OTUD4: variants seen among roughly 807,000 people sequenced by gnomAD.
OTUD4 encodes OTU domain-containing protein 4.
Under a neutral mutation model 130.4 loss-of-function variants are expected in OTUD4, and 24 were observed. That is an observed-to-expected ratio of 0.18 (90% CI 0.13 to 0.26). The LOEUF (loss-of-function observed/expected upper bound fraction) is 0.26. Among genes scored for constraint, OTUD4 ranks in the 10% least tolerant of loss-of-function variants. OTUD4 has a pLI of 1.00. For missense variants in OTUD4, 1,031 were observed against 1,329.4 expected, an observed-to-expected ratio of 0.78 and a Z score of 3.49; for synonymous variants, 420 against 472.5, an observed-to-expected ratio of 0.89 and a Z score of 1.44.
At chr4:145,176,807 G>T (rs1365042258) in intron 1 of OTUD4, among the ~76,000 whole-genome samples, 1 of 152,184 alleles carries the variant, frequency 6.6e-6, no homozygotes, top group African/African-American at 2.4e-5. Flanking sequence ...AGCTCTCTTG[G>T]ATCACAACCA....
intron 13 of OTUD4, among the ~76,000 whole-genome samples, chr4:145,150,256 G>A (rs932325654): frequency 1.3e-5 from 2 of 152,090 alleles, no homozygotes; most frequent in African/African-American, 4.8e-5. Flanking sequence ...ATAGAATTGG[G>A]CTAGAATAAG....
rs553790161 is a variant in OTUD4, at chr4:145,142,106, T to G, written c.1822+90A>C. The G allele has an allele frequency of 2.6e-6, 3 of 1,136,214 alleles. No homozygotes were observed. In the South Asian group the frequency reaches 4.3e-5, roughly 16 times the overall value. The allele number at this position is 1,136,214 out of a possible 1,614,324, so 70.4% of individuals were successfully genotyped here. A position where few individuals can be genotyped will look rare whatever the true frequency, so the allele number is the denominator to read the frequency against. ...CTGTGAGGCTCCACACACCTAATCC[T>G]GCTCAGAGGTCAAACTTCCACTCAA... On this transcript the variant is annotated intron_variant, in intron 18 of 20. Transcript: ENST00000447906.
intron 6 of OTUD4, among the ~76,000 whole-genome samples, chr4:145,161,374 C>T (rs573513946): frequency 7.1e-4 from 108 of 152,242 alleles, no homozygotes; most frequent in Non-Finnish European, 1.3e-3. Context: ...GGCTACACTT[C>T]GATATCTTAC....
chr4:145,179,422 T>C (rs1393845238), intron 1 of OTUD4, among the ~76,000 whole-genome samples: 1 of 152,104 alleles, frequency 6.6e-6, no homozygotes, highest in Non-Finnish European at 1.5e-5. Flanking sequence ...AGTAAACACT[T>C]GGTTTACTGG....
At chr4:145,174,005 A>ATT (rs2126808866) in intron 2 of OTUD4, among the ~76,000 whole-genome samples, 1 of 142,248 alleles carries the variant, frequency 7.0e-6, no homozygotes, top group African/African-American at 2.8e-5. Flanking sequence ...TGCAAGTCTG[A>ATT]ATTTTTTTTT....
At chr4:145,140,026 T>A (rs1026475524) in intron 19 of OTUD4, 35 bp from the exon 20 acceptor site, 3 of 647,806 alleles carry the variant, frequency 4.6e-6, no homozygotes, top group Admixed American at 3.2e-5. Context: ...TAAAATTATA[T>A]ATCTGCAGAG....
chr4:145,143,951 A>C lies in OTUD4; in HGVS notation c.1597T>G (p.Leu533Val). 6.2e-7 allele frequency: 1 copy of C among 1,611,174 alleles called. No individual in the cohort carries two copies. The change falls in exon 16 of 21, where the codon TTG becomes GTG. Residue 533 changes from leucine to valine, a missense_variant. Around this residue, in one of 3 missense-constraint regions of OTUD4, gnomAD observed 900 missense variants for 1,095.9 expected, o/e 0.82. Transcript: ENST00000447906. ...QLDKRPEPSTLENITDDKYAT... is the reference protein window; with the variant it reads ...QLDKRPEPSTVENITDDKYAT... ...GTAGTGTTTAAAACTTTTACCTCCA[A>C]TGTGCTTGGTTCGGGTCTTTTATCC...
At chr4:145,153,239 C>T (rs1421595551) in intron 10 of OTUD4, among the ~76,000 whole-genome samples, 1 of 152,126 alleles carries the variant, frequency 6.6e-6, no homozygotes, top group Non-Finnish European at 1.5e-5. Context: ...AGTAGGAGCA[C>T]AATATGTTAA....
intron 1 of OTUD4, 41 bp downstream of exon 1, chr4:145,179,774 C>A: frequency 1.5e-6 from 2 of 1,376,282 alleles, no homozygotes; most frequent in South Asian, 1.3e-5. Context: ...CCGGGCCGTC[C>A]CCGCCTCCCC....
Position 145,144,301 on chromosome 4 carries a change from G to T in OTUD4, c.1546+10C>A. 1.2e-6 allele frequency: 2 copies of T among 1,608,118 alleles called. No homozygotes were observed. The highest frequency in any genetic ancestry group is 2.2e-5 in the South Asian group (2 of 89,632). Reference sequence around the variant, plus strand: ...TCTAGCATCTGCTTTCTAATGATGAGATAACTTACCTTTGTCTTTTCGTTC... The same window carrying T: ...TCTAGCATCTGCTTTCTAATGATGATATAACTTACCTTTGTCTTTTCGTTC... On this transcript the variant is annotated intron_variant, in intron 15 of 20. Transcript: ENST00000447906.
At chr4:145,179,586 T>C in intron 1 of OTUD4, 5 of 1,364,330 alleles carry the variant, frequency 3.7e-6, no homozygotes, top group Non-Finnish European at 4.7e-6. Flanking sequence ...TACCTCTTCA[T>C]CAGGAGAGAG....
chr4:145,157,049 G>T (rs909751575), intron 7 of OTUD4, among the ~76,000 whole-genome samples: 2 of 152,104 alleles, frequency 1.3e-5, no homozygotes, highest in Non-Finnish European at 2.9e-5. Flanking sequence ...AAATCTCCTG[G>T]TAAACACCAA....
Position 145,133,717 on chromosome 4 carries a change from T to A in OTUD4, c.*3713A>T, listed in dbSNP as rs1444908533. On this transcript the variant is annotated 3_prime_UTR_variant, in exon 21 of 21. Coordinates refer to ENST00000447906, the MANE Select transcript of OTUD4 (RefSeq NM_001366057.1). ...ATGCAGCATCACACCATGTAGGGCA[T>A]TTACTCTTATTTTATACATTCAGAT... 1 of 152,588 alleles carries A rather than the reference T, an allele frequency of 6.6e-6. No individual in the cohort carries two copies. Among genetic ancestry groups the A allele is most frequent in the Non-Finnish European group, 1.5e-5 (1 of 68,002 alleles). The allele number at this position is 152,588 out of a possible 1,614,324, so 9.5% of individuals were successfully genotyped here.
intron 10 of OTUD4, among the ~76,000 whole-genome samples, chr4:145,153,323 G>A (rs962688381): frequency 1.3e-5 from 2 of 152,142 alleles, no homozygotes; most frequent in African/African-American, 4.8e-5. Flanking sequence ...CAGGCTTCCA[G>A]GTCTGGCTCT....
At chr4:145,144,873 T>C (rs1560980393) in intron 14 of OTUD4, among the ~76,000 whole-genome samples, 3 of 152,158 alleles carry the variant, frequency 2.0e-5, no homozygotes, top group Admixed American at 1.3e-4. Flanking sequence ...ATCACTGAAA[T>C]GCTTACTGTC....
intron 19 of OTUD4, 140 bp downstream of exon 19, chr4:145,141,239 A>C: frequency 2.2e-6 from 1 of 452,120 alleles, no homozygotes. Context: ...TGACTGACTA[A>C]TAGCTAAAAC....
At position 145,180,087 on chromosome 4, in the gene OTUD4, C is replaced by A; in HGVS notation, c.-114G>T. The A allele has an allele frequency of 3.5e-6, 3 of 856,134 alleles. No homozygotes were observed. The highest frequency in any genetic ancestry group is 1.1e-4 in the South Asian group (2 of 18,618). The allele number at this position is 856,134 out of a possible 1,614,324, so 53.0% of individuals were successfully genotyped here. On this transcript the variant is annotated 5_prime_UTR_variant, in exon 1 of 21. Coordinates refer to ENST00000447906, the MANE Select transcript of OTUD4 (RefSeq NM_001366057.1). ...GCGGCGGCTCGGGCTGGGGCTCGGGCTCCGCGAGCGGCGGCAGGCGGCGGC... is the reference window on the plus strand; with the variant it reads ...GCGGCGGCTCGGGCTGGGGCTCGGGATCCGCGAGCGGCGGCAGGCGGCGGC...
In OTUD4 at chr4:145,137,103, AG is replaced by A. The variant is rs1750310355; in HGVS notation, c.*326del. ...CTGAAATCAAACTTATAAACTTATA[AG>A]GAAAAAAGCCAAACACTAAATCTAT... On this transcript the variant is annotated 3_prime_UTR_variant, in exon 21 of 21. Transcript: ENST00000447906. 2 of 200,260 alleles carry A rather than the reference AG, an allele frequency of 1.0e-5. No homozygotes were observed. Among genetic ancestry groups the A allele is most frequent in the South Asian group, 2.8e-4 (2 of 7,046 alleles). The allele number at this position is 200,260 out of a possible 1,614,324, so 12.4% of individuals were successfully genotyped here.
At chr4:145,176,634 G>A (rs1486474361) in intron 1 of OTUD4, among the ~76,000 whole-genome samples, 1 of 152,148 alleles carries the variant, frequency 6.6e-6, no homozygotes, top group Admixed American at 6.5e-5. Context: ...AGGAGGCAGA[G>A]GTTGCAGTGA....
Sources: gnomAD v4.1 joint callset for allele counts (sites outside exome capture counted in the v4.1 genomes callset) on GRCh38, gnomAD v4.1.1 for gene constraint, gnomAD v4.1.1 regional missense constraint, MANE v1.5 for transcripts, NCBI Gene and HGNC (gene_info 2026-07-23, HGNC 2026-07-21) for gene names.